Variants in SLC22A15 observed in about 807,000 individuals in gnomAD.
The protein encoded by SLC22A15 is solute carrier family 22 member 15, also known as flipt 1.
Under a neutral mutation model 62.7 loss-of-function variants are expected in SLC22A15, and 45 were observed. The ratio of observed to expected loss-of-function variants is 0.72; its 90% confidence interval spans 0.56 to 0.92. The LOEUF (loss-of-function observed/expected upper bound fraction) is 0.92. SLC22A15 is among the 40% of genes least tolerant of loss of function. The probability of loss-of-function intolerance (pLI) is 0.00; values close to 1 mark genes in which losing one functional copy is unlikely to be tolerated. For missense variants in SLC22A15, 622 were observed against 665.6 expected (o/e 0.93, Z 0.72); for synonymous variants, 264 against 267.0 (o/e 0.99, Z 0.11).
Position 115,976,611 on chromosome 1 carries a change from C to T in SLC22A15, c.-17C>T, listed in dbSNP as rs777044762. 1.3e-6 allele frequency: 2 copies of T among 1,561,404 alleles called. No homozygotes were observed. Among genetic ancestry groups the T allele is most frequent in the African/African-American group, 1.4e-5 (1 of 71,274 alleles). On this transcript the variant is annotated 5_prime_UTR_variant, in exon 1 of 12. Coordinates refer to ENST00000369503, the MANE Select transcript of SLC22A15 (RefSeq NM_018420.3). ...GAGAGGGCGGTGGGGTGGCGGGGTT[C>T]CTGCGCGCGGCCCGCCATGGAGGTG... is the stretch of plus-strand genomic sequence containing the variant.
intron 4 of SLC22A15, among the ~76,000 whole-genome samples, chr1:116,024,212 T>C (rs1176983127): frequency 6.6e-6 from 1 of 152,146 alleles, no homozygotes; most frequent in Non-Finnish European, 1.5e-5. Context: ...AAAGAGGATG[T>C]GTCTGAGCTG....
At chr1:116,025,764 A>C (rs1214473825) in intron 4 of SLC22A15, among the ~76,000 whole-genome samples, 1 of 152,170 alleles carries the variant, frequency 6.6e-6, no homozygotes, top group Non-Finnish European at 1.5e-5. Context: ...AATGGTACTT[A>C]CTTCATAGGA....
At chr1:115,995,787 G>A (rs756083420) in intron 2 of SLC22A15, among the ~76,000 whole-genome samples, 2 of 151,978 alleles carry the variant, frequency 1.3e-5, no homozygotes, top group Non-Finnish European at 2.9e-5. Flanking sequence ...ATTTACCAGT[G>A]GGAACCTCTT....
chr1:115,978,537 G>A (rs1402619138), intron 1 of SLC22A15, among the ~76,000 whole-genome samples: 2 of 152,250 alleles, frequency 1.3e-5, no homozygotes, highest in East Asian at 3.9e-4. Flanking sequence ...AAGATGCCCT[G>A]TAGCTGTGCT....
intron 2 of SLC22A15, among the ~76,000 whole-genome samples, chr1:116,014,630 A>G (rs1011904547): frequency 1.3e-5 from 2 of 152,212 alleles, no homozygotes; most frequent in Non-Finnish European, 1.5e-5. Flanking sequence ...AAGAACATTC[A>G]TTCTGTGGCT....
intron 4 of SLC22A15, among the ~76,000 whole-genome samples, chr1:116,026,027 A>G (rs1013261878): frequency 6.6e-6 from 1 of 152,212 alleles, no homozygotes; most frequent in Non-Finnish European, 1.5e-5. Context: ...CTTGGGAAAG[A>G]CAGGAAACAA....
At chr1:115,981,006 G>A (rs1654584243) in intron 1 of SLC22A15, among the ~76,000 whole-genome samples, 1 of 152,174 alleles carries the variant, frequency 6.6e-6, no homozygotes, top group Admixed American at 6.5e-5. Context: ...GTGGGGTAGA[G>A]TGAGTTTTAT....
chr1:116,018,612 C>T (rs1478380860), intron 2 of SLC22A15, among the ~76,000 whole-genome samples: 1 of 90,872 alleles, frequency 1.1e-5, no homozygotes, highest in Non-Finnish European at 2.6e-5. Flanking sequence ...TGATCTGCCC[C>T]CCTCAGCCTC....
At chr1:116,053,917 A>G (rs1658127734) in intron 8 of SLC22A15, among the ~76,000 whole-genome samples, 3 of 152,098 alleles carry the variant, frequency 2.0e-5, no homozygotes, top group African/African-American at 7.2e-5. Flanking sequence ...CTAAACATGG[A>G]AAGGAACAAC....
chr1:116,010,735 ACT>A (rs1330517371), intron 2 of SLC22A15, among the ~76,000 whole-genome samples: 3 of 151,866 alleles, frequency 2.0e-5, no homozygotes, highest in Non-Finnish European at 2.9e-5. Flanking sequence ...GACCATAGCG[ACT>A]CTCTGATTGC....
intron 8 of SLC22A15, among the ~76,000 whole-genome samples, chr1:116,053,141 A>C (rs1453488395): frequency 6.6e-6 from 1 of 152,188 alleles, no homozygotes; most frequent in Non-Finnish European, 1.5e-5. Context: ...AAGGCAAAGA[A>C]GTTGAAAACT....
At position 116,035,204 on chromosome 1, in the gene SLC22A15, T is replaced by TAA; in HGVS notation, c.962_963insAA (p.Tyr322SerfsTer5). 6.2e-7 allele frequency: 1 copy of TAA among 1,612,580 alleles called. No homozygotes were observed. The highest frequency in any genetic ancestry group is 8.5e-7 in the Non-Finnish European group (1 of 1,179,198). ...AATTGCAGGTTTGTGTGCAGCTTGGTGTATTATGGCCTAACTCTGAGTGCG... is the reference window on the plus strand; with the variant it reads ...AATTGCAGGTTTGTGTGCAGCTTGGTAAGTATTATGGCCTAACTCTGAGTGCG... On this transcript the variant is annotated frameshift_variant, in exon 7 of 12. Coordinates refer to ENST00000369503, the MANE Select transcript of SLC22A15 (RefSeq NM_018420.3). LOFTEE classifies it high-confidence loss of function.
At chr1:116,046,424 T>C (rs1475703945) in intron 8 of SLC22A15, among the ~76,000 whole-genome samples, 2 of 152,188 alleles carry the variant, frequency 1.3e-5, no homozygotes, top group African/African-American at 4.8e-5. Flanking sequence ...AAGATTTGAA[T>C]GGATGCTTCT....
At chr1:116,006,311 A>C (rs370706912) in intron 2 of SLC22A15, among the ~76,000 whole-genome samples, 1 of 152,120 alleles carries the variant, frequency 6.6e-6, no homozygotes, top group Non-Finnish European at 1.5e-5. Context: ...TGTATCTCCT[A>C]TGCTGACTTC....
intron 2 of SLC22A15, among the ~76,000 whole-genome samples, chr1:115,993,453 GTGTGTCTGTCTGTC>G (rs1655256220): frequency 6.7e-6 from 1 of 150,034 alleles, no homozygotes; most frequent in African/African-American, 2.5e-5. Flanking sequence ...GTGTGTGTGT[GTGTGTCTGTCTGTC>G]TGTCTGTCTG....
intron 2 of SLC22A15, among the ~76,000 whole-genome samples, chr1:116,012,504 A>C (rs886285881): frequency 6.6e-6 from 1 of 152,202 alleles, no homozygotes; most frequent in Non-Finnish European, 1.5e-5. Context: ...TATTCGGTGG[A>C]GGAAGGAAAA....
At chr1:116,063,455 G>A (rs1253795794) in intron 9 of SLC22A15, among the ~76,000 whole-genome samples, 1 of 152,190 alleles carries the variant, frequency 6.6e-6, no homozygotes, top group Admixed American at 6.5e-5. Flanking sequence ...TTTGAAGGAT[G>A]GGGGTGCAGC....
intron 1 of SLC22A15, among the ~76,000 whole-genome samples, chr1:115,979,001 C>T (rs1044638715): frequency 1.3e-5 from 2 of 152,192 alleles, no homozygotes; most frequent in Non-Finnish European, 2.9e-5. Flanking sequence ...TGGGAGCCTT[C>T]TCCCCATCTG....
chr1:116,026,754 TC>T, intron 4 of SLC22A15, 138 bp from the exon 5 acceptor site: 2 of 903,618 alleles, frequency 2.2e-6, no homozygotes, highest in Non-Finnish European at 3.3e-6. Context: ...GATTTTTTTT[TC>T]TTTTCTGGTG....
Sources: gnomAD v4.1 joint callset for allele counts (sites outside exome capture counted in the v4.1 genomes callset) on GRCh38, gnomAD v4.1.1 for gene constraint, MANE v1.5 for transcripts, NCBI Gene and HGNC (gene_info 2026-07-23, HGNC 2026-07-21) for gene names.